The following CATSPERB variants were observed in gnomAD, a reference collection of about 807,000 sequenced individuals.
CATSPERB encodes cation channel sperm-associated auxiliary subunit beta.
A neutral mutation model predicts 128.3 loss-of-function variants in CATSPERB; 93 were observed. That is an observed-to-expected ratio of 0.72 (90% CI 0.61 to 0.86). The LOEUF (loss-of-function observed/expected upper bound fraction) is 0.86, where lower values mean the gene tolerates loss of function less well. Ranked by LOEUF, CATSPERB falls within the 40% of genes least tolerant of loss-of-function variation. The pLI, the probability that CATSPERB is intolerant of heterozygous loss-of-function variation, is 0.00. For synonymous variants in CATSPERB, 381 were observed against 448.8 expected (o/e 0.85, Z 1.91); for missense variants, 1,153 against 1,329.5 (o/e 0.87, Z 2.06).
chr14:91,658,426 GT>G (rs1483873354), intron 15 of CATSPERB, among the ~76,000 whole-genome samples: 1 of 151,740 alleles, frequency 6.6e-6, no homozygotes, highest in Non-Finnish European at 1.5e-5. Flanking sequence ...AATGGCGATG[GT>G]TAATGGGTAC....
intron 14 of CATSPERB, 42 bp from the exon 15 acceptor site, chr14:91,660,023 T>G: frequency 6.6e-7 from 1 of 1,523,636 alleles, no homozygotes; most frequent in Non-Finnish European, 8.8e-7. Flanking sequence ...AGGGCTGCCA[T>G]GCAACAGTTG....
At position 91,580,804 on chromosome 14, in the gene CATSPERB, C is replaced by A; in HGVS notation, c.*85G>T. ...GACAATTCTTTAGGATTTTATGTAG[C>A]TTGCATATTTAACATTTAAATATAT... On this transcript the variant is annotated 3_prime_UTR_variant, in exon 27 of 27. Transcript: ENST00000256343. The A allele has an allele frequency of 1.0e-6, 1 of 996,620 alleles. No homozygotes were observed. Among genetic ancestry groups the A allele is most frequent in the Non-Finnish European group, 1.5e-6 (1 of 661,454 alleles). 61.7% of individuals were successfully genotyped at this position (996,620 alleles called of 1,614,324 possible). A position where few individuals can be genotyped will look rare whatever the true frequency, so the allele number is the denominator to read the frequency against.
At chr14:91,646,359 G>A (rs1407783645) in intron 15 of CATSPERB, 1 of 152,578 alleles carries the variant, frequency 6.6e-6, no homozygotes. Context: ...CTATCACCCT[G>A]TACAAGCCAC....
intron 24 of CATSPERB, 37 bp from the exon 25 acceptor site, chr14:91,588,115 T>A: frequency 7.4e-7 from 1 of 1,348,574 alleles, no homozygotes; most frequent in South Asian, 1.2e-5. Flanking sequence ...GCACACTTAT[T>A]TTTCTCATTT....
intron 12 of CATSPERB, among the ~76,000 whole-genome samples, chr14:91,673,961 C>T (rs569985269): frequency 1.8e-4 from 27 of 152,130 alleles, no homozygotes; most frequent in African/African-American, 5.8e-4. Flanking sequence ...GCATGTCTTT[C>T]TGGTACGAAT....
At chr14:91,631,399 C>T (rs1323033058) in intron 17 of CATSPERB, among the ~76,000 whole-genome samples, 1 of 152,206 alleles carries the variant, frequency 6.6e-6, no homozygotes, top group Non-Finnish European at 1.5e-5. Flanking sequence ...TGCAATGGCT[C>T]ATGCCTGTAA....
intron 10 of CATSPERB, among the ~76,000 whole-genome samples, chr14:91,690,821 C>T (rs1305540255): frequency 1.3e-5 from 2 of 152,230 alleles, no homozygotes; most frequent in Non-Finnish European, 2.9e-5. Flanking sequence ...AGATTCAGTG[C>T]CTGGCGAGGG....
At chr14:91,690,476 A>G (rs1050227130) in intron 10 of CATSPERB, among the ~76,000 whole-genome samples, 3 of 152,096 alleles carry the variant, frequency 2.0e-5, no homozygotes, top group Non-Finnish European at 2.9e-5. Context: ...CTACTCCTTC[A>G]TGGGAATTTC....
chr14:91,668,263 C>G (rs1295608491), intron 14 of CATSPERB, among the ~76,000 whole-genome samples: 1 of 152,170 alleles, frequency 6.6e-6, no homozygotes, highest in Admixed American at 6.5e-5. Context: ...TGTAAACACA[C>G]CAATCCACGC....
intron 15 of CATSPERB, among the ~76,000 whole-genome samples, chr14:91,641,087 G>GT (rs1009817651): frequency 9.7e-5 from 12 of 124,342 alleles, no homozygotes; most frequent in African/African-American, 3.3e-4. Flanking sequence ...GGGGTTGTTT[G>GT]TTTTTTTCTT....
chr14:91,612,173 C>A (rs984021835), intron 20 of CATSPERB, among the ~76,000 whole-genome samples: 2 of 152,060 alleles, frequency 1.3e-5, no homozygotes, highest in Non-Finnish European at 2.9e-5. Flanking sequence ...GATCCTCTCA[C>A]CTCAGCTTCC....
chr14:91,671,896 G>C (rs1405319014), intron 13 of CATSPERB, among the ~76,000 whole-genome samples: 1 of 151,780 alleles, frequency 6.6e-6, no homozygotes, highest in Non-Finnish European at 1.5e-5. Flanking sequence ...GCGGGCGCCT[G>C]TAGTCCCAGC....
intron 11 of CATSPERB, among the ~76,000 whole-genome samples, chr14:91,674,766 G>C (rs972037371): frequency 2.6e-5 from 4 of 152,144 alleles, no homozygotes; most frequent in Non-Finnish European, 5.9e-5. Flanking sequence ...AAATTCCAGA[G>C]ATTACCTCAA....
chr14:91,689,615 T>C (rs547580076), intron 10 of CATSPERB, among the ~76,000 whole-genome samples: 4 of 152,330 alleles, frequency 2.6e-5, no homozygotes, highest in African/African-American at 4.8e-5. Flanking sequence ...TATTTGGATT[T>C]ATTTCTACTG....
chr14:91,722,589 T>G (rs1489532161), intron 4 of CATSPERB, among the ~76,000 whole-genome samples: 1 of 152,200 alleles, frequency 6.6e-6, no homozygotes, highest in Non-Finnish European at 1.5e-5. Flanking sequence ...GTAGTGATGG[T>G]TGCACAACTC....
chr14:91,636,479 G>A lies in CATSPERB; in HGVS notation c.1688C>T (p.Thr563Met), dbSNP rs370881004. ...AYVPENEPQE[T>M]IYSKKFGNIH... ...ATTGCCGAACTTCTTGCTGTAGATCGTTTCCTGGGGTTCGTTCTCAGGTAC... is the reference window on the plus strand; with the variant it reads ...ATTGCCGAACTTCTTGCTGTAGATCATTTCCTGGGGTTCGTTCTCAGGTAC... The change falls in exon 17 of 27, where the codon ACG becomes ATG. Residue 563 changes from threonine (T) to methionine (M), a missense_variant. Physicochemically the swap from Thr to Met is moderately conservative, Grantham distance 81. Transcript: ENST00000256343. The A allele has an allele frequency of 3.5e-5, 56 of 1,613,822 alleles. No homozygotes were observed. In the South Asian group the frequency reaches 4.2e-4, roughly 12 times the overall value.
intron 12 of CATSPERB, among the ~76,000 whole-genome samples, chr14:91,673,743 C>T (rs1895140733): frequency 6.6e-6 from 1 of 152,038 alleles, no homozygotes; most frequent in African/African-American, 2.4e-5. Context: ...ATTAGCTGGA[C>T]ATGGTGGAGC....
intron 15 of CATSPERB, among the ~76,000 whole-genome samples, chr14:91,653,533 T>TG (rs1174181039): frequency 2.0e-5 from 3 of 152,054 alleles, no homozygotes; most frequent in Non-Finnish European, 4.4e-5. Flanking sequence ...TCCACATGGC[T>TG]GGGGAAGATC....
chr14:91,704,414 G>T, intron 7 of CATSPERB, 138 bp downstream of exon 7: 1 of 805,506 alleles, frequency 1.2e-6, no homozygotes, highest in Non-Finnish European at 1.9e-6. Flanking sequence ...ATACAGTATT[G>T]AATAATAAAT....
Sources: allele counts gnomAD v4.1 joint callset (sites outside exome capture counted in the v4.1 genomes callset), GRCh38; gene constraint gnomAD v4.1.1; transcripts MANE v1.5; gene names NCBI Gene and HGNC (gene_info 2026-07-23, HGNC 2026-07-21).